CAMK2G: variants seen among roughly 807,000 people sequenced by gnomAD.
CAMK2G encodes calcium/calmodulin dependent protein kinase II gamma.
A neutral mutation model predicts 88.7 loss-of-function variants in CAMK2G; 23 were observed. The ratio of observed to expected loss-of-function variants is 0.26; its 90% CI spans 0.19 to 0.37. The LOEUF (loss-of-function observed/expected upper bound fraction) is 0.37, where lower values mean the gene tolerates loss of function less well. Among genes scored for constraint, CAMK2G ranks in the 10% least tolerant of loss-of-function variants. The pLI, the probability that CAMK2G is intolerant of heterozygous loss-of-function variation, is 1.00. For synonymous variants in CAMK2G, 263 were observed against 294.8 expected, an observed-to-expected ratio of 0.89 and a Z score of 1.11; for missense variants, 476 against 780.8, an observed-to-expected ratio of 0.61 and a Z score of 4.65.
intron 2 of CAMK2G, among the ~76,000 whole-genome samples, chr10:73,863,655 C>T (rs1018111452): frequency 6.6e-6 from 1 of 152,224 alleles, no homozygotes; most frequent in African/African-American, 2.4e-5. Context: ...ATGTTTATCT[C>T]CTTCCTTAAG....
intron 12 of CAMK2G, among the ~76,000 whole-genome samples, chr10:73,841,169 G>A (rs543394655): frequency 6.6e-6 from 1 of 152,334 alleles, no homozygotes; most frequent in African/African-American, 2.4e-5. Flanking sequence ...AGGCCCTGGC[G>A]TTACCTGGAG....
Position 73,848,877 on chromosome 10 carries a change from G to C in CAMK2G, c.517+136C>G. ...TGACAACAGCTAGACTTACTGTACT[G>C]AGTCGCGTACGGCCAAGAGAGATCT... On this transcript the variant is annotated intron_variant, in intron 7 of 22. Transcript: ENST00000423381. The surrounding 1 kb of genome is among the most constrained non-coding windows in gnomAD (Gnocchi z 4.5). 2.7e-6 allele frequency: 2 copies of C among 730,808 alleles called. No homozygotes were observed. 45.3% of individuals were successfully genotyped at this position (730,808 alleles called of 1,614,324 possible).
intron 3 of CAMK2G, among the ~76,000 whole-genome samples, chr10:73,855,566 G>C (rs1386766113): frequency 1.3e-5 from 2 of 151,464 alleles, no homozygotes; most frequent in African/African-American, 4.8e-5. Flanking sequence ...CCCCCGCCCA[G>C]CACAGCAAGG....
At chr10:73,826,355 C>T (rs368883328) in intron 15 of CAMK2G, among the ~76,000 whole-genome samples, 1 of 152,018 alleles carries the variant, frequency 6.6e-6, no homozygotes, top group Non-Finnish European at 1.5e-5. Context: ...ATTGCTTGAA[C>T]CTGGGAGGCA....
At chr10:73,830,888 G>A (rs1723183206) in intron 14 of CAMK2G, among the ~76,000 whole-genome samples, 1 of 152,158 alleles carries the variant, frequency 6.6e-6, no homozygotes, top group African/African-American at 2.4e-5. Flanking sequence ...AAAAGAAATC[G>A]CCCTATGGAC....
At position 73,824,048 on chromosome 10, in the gene CAMK2G, C is replaced by T. The variant is rs2090079680; in HGVS notation, c.1192G>A (p.Gly398Arg). The change falls in exon 17 of 23, where the codon GGG (glycine) becomes AGG (arginine). Residue 398 changes from glycine to arginine, a missense_variant. Around this residue, in one of 3 missense-constraint regions of CAMK2G, gnomAD observed 278 missense variants for 366.5 expected, o/e 0.76. Coordinates refer to ENST00000423381, the MANE Select transcript of CAMK2G (RefSeq NM_001367534.1). ...QTTVVHNATD[G>R]IKGSTESCNT... ...GCTCAGGAGCCACTCACCTTGATCC[C>T]ATCTGTAGCGTTGTGTACCACAGTG... is the stretch of plus-strand genomic sequence containing the variant. The T allele has an allele frequency of 6.2e-7, 1 of 1,613,412 alleles. No homozygotes were observed. The highest frequency in any genetic ancestry group is 8.5e-7 in the Non-Finnish European group (1 of 1,179,440).
intron 14 of CAMK2G, among the ~76,000 whole-genome samples, chr10:73,831,829 C>T (rs2092494756): frequency 6.6e-6 from 1 of 151,976 alleles, no homozygotes; most frequent in Non-Finnish European, 1.5e-5. Flanking sequence ...CACTACACTC[C>T]AGCCAGGGGG....
Position 73,848,881 on chromosome 10 carries a change from C to A in CAMK2G, c.517+132G>T. The A allele has an allele frequency of 1.4e-6, 1 of 736,340 alleles. No homozygotes were observed. Among genetic ancestry groups the A allele is most frequent in the Admixed American group, 1.9e-5 (1 of 53,916 alleles). 45.6% of individuals were successfully genotyped at this position (736,340 alleles called of 1,614,324 possible). A position where few individuals can be genotyped will look rare whatever the true frequency, so the allele number is the denominator to read the frequency against. On this transcript the variant is annotated intron_variant, in intron 7 of 22. Transcript: ENST00000423381. This position sits in a 1 kb window ranked among gnomAD's most constrained non-coding sequence, Gnocchi z 4.5. ...AACAGCTAGACTTACTGTACTGAGT[C>A]GCGTACGGCCAAGAGAGATCTCGGA...
intron 9 of CAMK2G, among the ~76,000 whole-genome samples, 171 bp downstream of exon 9, chr10:73,847,817 G>A (rs890331384): frequency 1.8e-4 from 27 of 152,174 alleles, no homozygotes; most frequent in African/African-American, 6.3e-4. Context: ...TTGCTCCCTG[G>A]GACATAGAGT....
At chr10:73,851,759 G>GA (rs1410989911) in intron 5 of CAMK2G, among the ~76,000 whole-genome samples, 1 of 142,722 alleles carries the variant, frequency 7.0e-6, no homozygotes, top group Non-Finnish European at 1.6e-5. Context: ...GTGGGGGGGG[G>GA]GAGGGGGACA....
intron 3 of CAMK2G, among the ~76,000 whole-genome samples, chr10:73,854,494 T>G (rs1164357734): frequency 6.6e-6 from 1 of 152,230 alleles, no homozygotes; most frequent in African/African-American, 2.4e-5. Context: ...GGGGAACTTC[T>G]GTTCCAAAGG....
Position 73,860,812 on chromosome 10 carries a change from C to T in CAMK2G, c.220+18G>A. ...TTCTACAAAATACCCACAAAATGCTCCATGCCCAGGCACTCACCGATGTTT... is the reference window on the plus strand; with the variant it reads ...TTCTACAAAATACCCACAAAATGCTTCATGCCCAGGCACTCACCGATGTTT... On this transcript the variant is annotated intron_variant, in intron 3 of 22. Transcript: ENST00000423381. 6.3e-7 allele frequency: 1 copy of T among 1,597,666 alleles called. No individual in the cohort carries two copies. Among genetic ancestry groups the T allele is most frequent in the East Asian group, 2.2e-5 (1 of 44,798 alleles).
At chr10:73,845,349 G>A (rs754725466) in intron 10 of CAMK2G, among the ~76,000 whole-genome samples, 15 of 152,172 alleles carry the variant, frequency 9.9e-5, no homozygotes, top group East Asian at 3.9e-4. Flanking sequence ...TTGGGAAGCC[G>A]AGGCGGGTGG....
intron 21 of CAMK2G, 125 bp from the exon 22 acceptor site, chr10:73,815,372 C>CCG: frequency 1.5e-6 from 1 of 655,286 alleles, no homozygotes; most frequent in Non-Finnish European, 2.7e-6. Context: ...AAGTACCGCC[C>CCG]CCCCCCACCC....
intron 14 of CAMK2G, among the ~76,000 whole-genome samples, chr10:73,829,859 A>G (rs1363740041): frequency 3.3e-5 from 5 of 152,078 alleles, no homozygotes; most frequent in Admixed American, 2.0e-4. Context: ...AGGCGACGAA[A>G]GTTTGCTGAG....
At chr10:73,869,274 AC>A (rs2095714289) in intron 2 of CAMK2G, among the ~76,000 whole-genome samples, 1 of 152,244 alleles carries the variant, frequency 6.6e-6, no homozygotes, top group South Asian at 2.1e-4. Flanking sequence ...GGTGATCCTT[AC>A]GCACACTAAA....
chr10:73,858,782 T>G (rs1488935512), intron 3 of CAMK2G, among the ~76,000 whole-genome samples: 1 of 152,236 alleles, frequency 6.6e-6, no homozygotes, highest in Non-Finnish European at 1.5e-5. Context: ...TAAAAAAGTA[T>G]GTATTTAATT....
At chr10:73,872,678 T>C (rs947235742) in intron 2 of CAMK2G, among the ~76,000 whole-genome samples, 1 of 152,000 alleles carries the variant, frequency 6.6e-6, no homozygotes, top group Non-Finnish European at 1.5e-5. Context: ...TGCCCCAAAT[T>C]AAGAGCTCCC....
chr10:73,868,965 G>T (rs1282183814), intron 2 of CAMK2G, among the ~76,000 whole-genome samples: 1 of 152,210 alleles, frequency 6.6e-6, no homozygotes, highest in Non-Finnish European at 1.5e-5. Flanking sequence ...CCGAGGCCCA[G>T]AACGAGGCCC....
Sources: gnomAD v4.1 joint callset for allele counts (sites outside exome capture counted in the v4.1 genomes callset) on GRCh38, gnomAD v4.1.1 for gene constraint, gnomAD v4.1.1 regional missense constraint, Gnocchi (gnomAD v3.1) non-coding constraint, MANE v1.5 for transcripts, NCBI Gene and HGNC (gene_info 2026-07-23, HGNC 2026-07-21) for gene names.